Variants in ALK observed in about 807,000 individuals in gnomAD.
The protein encoded by ALK is ALK receptor tyrosine kinase.
A neutral mutation model predicts 163.1 loss-of-function variants in ALK; 74 were observed. The ratio of observed to expected loss-of-function variants is 0.45; its 90% confidence interval spans 0.38 to 0.55. The LOEUF (loss-of-function observed/expected upper bound fraction) is 0.55, where lower values mean the gene tolerates loss of function less well. Ranked by LOEUF, ALK falls within the 20% of genes least tolerant of loss-of-function variation. The pLI is 0.00. For synonymous variants in ALK, 960 were observed against 843.2 expected (o/e 1.14, Z -2.40); for missense variants, 2,063 against 2,105.3 (o/e 0.98, Z 0.39).
intron 5 of ALK, among the ~76,000 whole-genome samples, chr2:29,338,920 G>T (rs1481287885): frequency 6.6e-6 from 1 of 152,208 alleles, no homozygotes; most frequent in African/African-American, 2.4e-5. Context: ...CTTCTACAAT[G>T]TGCCCAGCAC....
At chr2:29,506,746 A>G (rs1302698572) in intron 4 of ALK, among the ~76,000 whole-genome samples, 1 of 119,280 alleles carries the variant, frequency 8.4e-6, no homozygotes, top group Non-Finnish European at 2.0e-5. Context: ...ACTCCGTCTC[A>G]AAAACAAAAC....
intron 3 of ALK, among the ~76,000 whole-genome samples, chr2:29,621,569 A>C (rs1014152294): frequency 1.3e-5 from 2 of 152,338 alleles, no homozygotes; most frequent in East Asian, 1.9e-4. Context: ...ACAGTGGGAC[A>C]AAAGGTGACA....
chr2:29,301,566 T>C (rs17716681), intron 8 of ALK, among the ~76,000 whole-genome samples: 23,134 of 152,232 alleles, frequency 0.15, 1,888 homozygotes, highest in Middle Eastern at 0.19. Context: ...TGGCACTTTC[T>C]TACATTCTAT....
At chr2:29,534,134 T>A (rs1217515930) in intron 3 of ALK, among the ~76,000 whole-genome samples, 2 of 151,840 alleles carry the variant, frequency 1.3e-5, no homozygotes. Context: ...GATTTCCAGC[T>A]TCATTTTGTG....
At chr2:29,810,377 G>C (rs892510702) in intron 1 of ALK, among the ~76,000 whole-genome samples, 3 of 143,392 alleles carry the variant, frequency 2.1e-5, no homozygotes, top group Non-Finnish European at 4.5e-5. Context: ...AGCAGAGACT[G>C]TACCATTTCA....
chr2:29,732,408 A>G (rs559917358), intron 1 of ALK, among the ~76,000 whole-genome samples: 2 of 152,242 alleles, frequency 1.3e-5, no homozygotes, highest in Admixed American at 1.3e-4. Flanking sequence ...ATTGTCACAA[A>G]CTCCAGAAGT....
At chr2:29,626,211 G>A (rs559954282) in intron 3 of ALK, among the ~76,000 whole-genome samples, 1 of 152,218 alleles carries the variant, frequency 6.6e-6, no homozygotes, top group Admixed American at 6.5e-5. Flanking sequence ...GGTCATGAGA[G>A]TAGGGACTTT....
rs142268197 is a variant in ALK, at chr2:29,854,320, G to A, written c.667+65673C>T. Among the ~76,000 whole-genome samples the A allele has an allele frequency of 5.2e-3, 785 of 152,266 alleles. 6 individuals carry two copies. Among genetic ancestry groups the A allele is most frequent in the Non-Finnish European group, 8.0e-3 (543 of 68,018 alleles). On this transcript the variant is annotated intron_variant, in intron 1 of 28. Transcript: ENST00000389048. ...CCCAATGCTGGAGATGGGGCCTGCT[G>A]GGAAGTGTTTTGGTTATGAAGGTGA...
At chr2:29,301,405 G>A (rs750861052) in intron 8 of ALK, among the ~76,000 whole-genome samples, 4 of 152,136 alleles carry the variant, frequency 2.6e-5, no homozygotes, top group Non-Finnish European at 5.9e-5. Context: ...TTCATCTTAT[G>A]TTCACAGTGG....
At chr2:29,409,290 T>A (rs749278822) in intron 4 of ALK, among the ~76,000 whole-genome samples, 1 of 151,764 alleles carries the variant, frequency 6.6e-6, no homozygotes, top group Non-Finnish European at 1.5e-5. Flanking sequence ...GAGAAGAGAG[T>A]GTTCTCTAAG....
At chr2:29,444,613 A>G (rs1450201213) in intron 4 of ALK, among the ~76,000 whole-genome samples, 1 of 152,250 alleles carries the variant, frequency 6.6e-6, no homozygotes, top group Non-Finnish European at 1.5e-5. Flanking sequence ...TTACAATTGC[A>G]TCAGTAATTG....
intron 4 of ALK, among the ~76,000 whole-genome samples, chr2:29,428,086 CAA>C (rs1670187726): frequency 6.6e-6 from 1 of 151,850 alleles, no homozygotes; most frequent in Admixed American, 6.6e-5. Flanking sequence ...TAAATGAAAA[CAA>C]AGATGCAACA....
intron 4 of ALK, among the ~76,000 whole-genome samples, chr2:29,468,332 T>A (rs1230403869): frequency 6.6e-6 from 1 of 152,148 alleles, no homozygotes; most frequent in Non-Finnish European, 1.5e-5. Context: ...TGGCCAATAA[T>A]TTTTAATAGT....
chr2:29,447,839 T>G (rs1670724537), intron 4 of ALK, among the ~76,000 whole-genome samples: 1 of 152,090 alleles, frequency 6.6e-6, no homozygotes, highest in Non-Finnish European at 1.5e-5. Flanking sequence ...CCCAATCTCT[T>G]TGCTGCTCAA....
chr2:29,580,489 C>T lies in ALK; in HGVS notation c.953-48373G>A, dbSNP rs554803930. 3.3e-5 allele frequency among the ~76,000 whole-genome samples: 5 copies of T among 152,342 alleles called. No individual in the cohort carries two copies. The South Asian group carries it at 6.2e-4, about 19-fold the overall frequency. ...TTTCAGGCCCAGCCACAGCACACGT[C>T]TCCGGTTGACATAACCCCCATTTGA... On this transcript the variant is annotated intron_variant, in intron 3 of 28. Coordinates refer to ENST00000389048, the MANE Select transcript of ALK (RefSeq NM_004304.5).
intron 4 of ALK, among the ~76,000 whole-genome samples, chr2:29,391,526 C>A (rs12995973): frequency 0.26 from 38,978 of 152,138 alleles, 5,392 homozygotes; most frequent in Middle Eastern, 0.33. Flanking sequence ...GTCTTAAACT[C>A]CTGACCTCAG....
chr2:29,253,528 C>A (rs1188556027), intron 11 of ALK, among the ~76,000 whole-genome samples: 3 of 152,172 alleles, frequency 2.0e-5, no homozygotes, highest in Non-Finnish European at 4.4e-5. Context: ...AAGGCTGGTG[C>A]TGTCCTGGAC....
At chr2:29,560,643 C>T (rs1673994858) in intron 3 of ALK, among the ~76,000 whole-genome samples, 1 of 151,644 alleles carries the variant, frequency 6.6e-6, no homozygotes. Context: ...ATAATTTCGG[C>T]TCACTGCAGC....
chr2:29,330,516 G>A (rs553813280), intron 5 of ALK, among the ~76,000 whole-genome samples: 1 of 152,146 alleles, frequency 6.6e-6, no homozygotes, highest in South Asian at 2.1e-4. Flanking sequence ...CCAGTGCCTG[G>A]CCCCTAGGAG....
Sources: allele counts gnomAD v4.1 joint callset (sites outside exome capture counted in the v4.1 genomes callset), GRCh38; gene constraint gnomAD v4.1.1; transcripts MANE v1.5; gene names NCBI Gene and HGNC (gene_info 2026-07-23, HGNC 2026-07-21).